Variants in TBCD observed in about 807,000 individuals in gnomAD.
TBCD encodes tubulin folding cofactor D.
Under a neutral mutation model 169.3 loss-of-function variants are expected in TBCD, and 105 were observed. The observed-to-expected ratio is 0.62, with a 90% CI of 0.53 to 0.73. The LOEUF is 0.73. Ranked by LOEUF, TBCD falls within the 30% of genes least tolerant of loss-of-function variation. TBCD has a pLI of 0.00. For missense variants in TBCD, 1,444 were observed against 1,600.1 expected, an observed-to-expected ratio of 0.90 and a Z score of 1.66; for synonymous variants, 700 against 643.9, an observed-to-expected ratio of 1.09 and a Z score of -1.32.
At chr17:82,853,590 A>G (rs991600378) in intron 13 of TBCD, among the ~76,000 whole-genome samples, 5 of 149,864 alleles carry the variant, frequency 3.3e-5, no homozygotes, top group African/African-American at 1.2e-4. Context: ...TTTTTTTTGT[A>G]GAGACGGTCT....
Position 82,939,619 on chromosome 17 carries a change from T to C in TBCD, c.3479+143T>C, listed in dbSNP as rs2062944451. Reference sequence around the variant, plus strand: ...CAGGTCTCCACATCCTCTGCTTAGGTTTTACAAGGCAGCCGTGCTGCTGTA... The same window carrying C: ...CAGGTCTCCACATCCTCTGCTTAGGCTTTACAAGGCAGCCGTGCTGCTGTA... On this transcript the variant is annotated intron_variant, in intron 37 of 38. Transcript: ENST00000355528. 12 of 684,970 alleles carry C rather than the reference T, an allele frequency of 1.8e-5. 1 individual carries two copies. In the South Asian group the frequency reaches 2.2e-4, roughly 12 times the overall value. The allele number at this position is 684,970 out of a possible 1,614,324, so 42.4% of individuals were successfully genotyped here. A position where few individuals can be genotyped will look rare whatever the true frequency, so the allele number is the denominator to read the frequency against.
Position 82,924,989 on chromosome 17 carries a change from A to T in TBCD, c.2311A>T (p.Thr771Ser). The T allele has an allele frequency of 6.3e-6, 10 of 1,575,422 alleles. No homozygotes were observed. The South Asian group carries it at 9.3e-5, about 15-fold the overall frequency. Residue 771 changes from threonine to serine, a missense_variant, in exon 27 of 39, where the codon ACT becomes TCT. Coordinates refer to ENST00000355528, the MANE Select transcript of TBCD (RefSeq NM_005993.5). Reference sequence around the variant, plus strand: ...TGAGCTTCGGAACCCCGAGGAGATGACTCGCTGTGGCTTCTCGTTGGCCTT... The same window carrying T: ...TGAGCTTCGGAACCCCGAGGAGATGTCTCGCTGTGGCTTCTCGTTGGCCTT... ...LAELRNPEEMTRCGFSLALGA... is the reference protein window; with the variant it reads ...LAELRNPEEMSRCGFSLALGA...
chr17:82,772,392 G>A, intron 5 of TBCD, 60 bp from the exon 6 acceptor site: 1 of 1,562,050 alleles, frequency 6.4e-7, no homozygotes, highest in Non-Finnish European at 8.8e-7. Flanking sequence ...TGACTGTGTG[G>A]TGTCCCCAAG....
At chr17:82,852,295 A>G (rs1348822301) in intron 13 of TBCD, among the ~76,000 whole-genome samples, 3 of 151,904 alleles carry the variant, frequency 2.0e-5, no homozygotes, top group Non-Finnish European at 4.4e-5. Context: ...TCCGTGGGCG[A>G]TGCAGCCCCC....
chr17:82,762,827 C>A (rs1310583398), intron 2 of TBCD, among the ~76,000 whole-genome samples: 1 of 151,980 alleles, frequency 6.6e-6, no homozygotes, highest in African/African-American at 2.4e-5. Flanking sequence ...TTTCTACCAA[C>A]AAGGTATGAG....
At chr17:82,830,504 G>A (rs1456835543) in intron 13 of TBCD, 1 of 1,613,750 alleles carries the variant, frequency 6.2e-7, no homozygotes, top group East Asian at 2.2e-5. Context: ...TCACCGTCGA[G>A]GCTGCCTGGC....
At chr17:82,809,600 C>T (rs2051279009) in intron 11 of TBCD, 108 bp from the exon 12 acceptor site, 6 of 1,240,232 alleles carry the variant, frequency 4.8e-6, no homozygotes, top group Non-Finnish European at 6.8e-6. Context: ...CTCTTCTCTC[C>T]TGGTCTCTGG....
At chr17:82,752,518 G>T (rs914347678) in intron 1 of TBCD, 141 bp downstream of exon 1, 1 of 671,760 alleles carries the variant, frequency 1.5e-6, no homozygotes, top group Non-Finnish European at 1.9e-6. Context: ...GCGGGCCGTG[G>T]TGGGGCGCGG....
rs2059027707 is a variant in TBCD, at chr17:82,890,122, C to T, written c.1563+425C>T. ...GTCAGCTCCCAGAAGCTACGGACCCCATGACCCCACGACCCCACATCATGC... is the reference window on the plus strand; with the variant it reads ...GTCAGCTCCCAGAAGCTACGGACCCTATGACCCCACGACCCCACATCATGC... On this transcript the variant is annotated intron_variant, in intron 16 of 38. Coordinates refer to ENST00000355528, the MANE Select transcript of TBCD (RefSeq NM_005993.5). The surrounding 1 kb of genome is among the most constrained non-coding windows in gnomAD (Gnocchi z 5.3). Among the ~76,000 whole-genome samples, 1 of 152,222 alleles carries T rather than the reference C, an allele frequency of 6.6e-6. No homozygotes were observed. Among genetic ancestry groups the T allele is most frequent in the Admixed American group, 6.5e-5 (1 of 15,288 alleles).
intron 13 of TBCD, among the ~76,000 whole-genome samples, chr17:82,863,017 G>A (rs1411561682): frequency 2.0e-5 from 3 of 152,226 alleles, no homozygotes; most frequent in Non-Finnish European, 2.9e-5. Context: ...GTAGCCGTCC[G>A]CCTTTTGTGT....
chr17:82,861,926 CTTTTTTT>C (rs543296464), intron 13 of TBCD, among the ~76,000 whole-genome samples: 1 of 134,658 alleles, frequency 7.4e-6, no homozygotes, highest in South Asian at 2.4e-4. Context: ...TTTTTTTTTT[CTTTTTTT>C]TGAGACAGAG....
intron 26 of TBCD, among the ~76,000 whole-genome samples, chr17:82,924,286 A>G (rs1020994022): frequency 2.6e-5 from 4 of 151,954 alleles, no homozygotes; most frequent in East Asian, 3.9e-4. Flanking sequence ...GCACCGTGAC[A>G]TTTTTCTGCT....
intron 13 of TBCD, among the ~76,000 whole-genome samples, chr17:82,847,519 C>T (rs2055251944): frequency 6.6e-6 from 1 of 152,130 alleles, no homozygotes; most frequent in South Asian, 2.1e-4. Flanking sequence ...GGAAAGCTTT[C>T]TTTCTGGACA....
chr17:82,915,264 C>T lies in TBCD; in HGVS notation c.2038+3475C>T, dbSNP rs145342915. On this transcript the variant is annotated intron_variant, in intron 23 of 38. Coordinates refer to ENST00000355528, the MANE Select transcript of TBCD (RefSeq NM_005993.5). The surrounding 1 kb of genome is among the most constrained non-coding windows in gnomAD (Gnocchi z 4.3). ...AGGTGCGCCCTGGCCGCAGGTGCCC[C>T]GGAGGTGTCGAACCGCAGATTTCTT... is the stretch of plus-strand genomic sequence containing the variant. Among the ~76,000 whole-genome samples the T allele has an allele frequency of 4.6e-4, 70 of 152,282 alleles. No homozygotes were observed. The highest frequency in any genetic ancestry group is 2.1e-3 in the South Asian group (10 of 4,828).
rs1384525412 is a variant in TBCD at position 82,890,312 on chromosome 17, G to A, written c.1563+615G>A. On this transcript the variant is annotated intron_variant, in intron 16 of 38. Transcript: ENST00000355528. The surrounding 1 kb of genome is among the most constrained non-coding windows in gnomAD (Gnocchi z 5.3). The stretch of plus-strand genomic sequence containing the variant: ...TGGGACAGAGGCCGGAGAGGGGACC[G>A]GGGTCTGGGCTGGACCTGGGCGGGG... 6.6e-6 allele frequency among the ~76,000 whole-genome samples: 1 copy of A among 152,210 alleles called. No homozygotes were observed. The highest frequency in any genetic ancestry group is 2.1e-4 in the South Asian group (1 of 4,830).
rs28459016 is a variant in TBCD at position 82,783,318 on chromosome 17, G to T, written c.771+1597G>T. Among the ~76,000 whole-genome samples, 221 of 152,060 alleles carry T rather than the reference G, an allele frequency of 1.5e-3. 2 individuals carry two copies. Among genetic ancestry groups the T allele is most frequent in the African/African-American group, 5.2e-3 (215 of 41,490 alleles). On this transcript the variant is annotated intron_variant, in intron 7 of 38. Coordinates refer to ENST00000355528, the MANE Select transcript of TBCD (RefSeq NM_005993.5). The stretch of plus-strand genomic sequence containing the variant: ...CAGGTGATGTCTGTTTTCTTCAGGC[G>T]TCCCCTCAACCTCCACATAAATGTG...
intron 7 of TBCD, among the ~76,000 whole-genome samples, chr17:82,787,165 C>G (rs2049377436): frequency 6.6e-6 from 1 of 152,172 alleles, no homozygotes; most frequent in East Asian, 1.9e-4. Flanking sequence ...GTGCCACCCC[C>G]CGGCATATGC....
chr17:82,779,405 G>A (rs1004203361), intron 6 of TBCD, among the ~76,000 whole-genome samples: 10 of 152,156 alleles, frequency 6.6e-5, no homozygotes, highest in African/African-American at 2.4e-4. Context: ...ACAGGGGTGA[G>A]CCACTGTGCC....
chr17:82,805,153 G>T (rs1044859190), intron 9 of TBCD, among the ~76,000 whole-genome samples: 2 of 152,382 alleles, frequency 1.3e-5, no homozygotes, highest in Admixed American at 1.3e-4. Context: ...TGGGCTGCAC[G>T]CCGAGCGCAG....
Sources: gnomAD v4.1 joint callset for allele counts (sites outside exome capture counted in the v4.1 genomes callset) on GRCh38, gnomAD v4.1.1 for gene constraint, Gnocchi (gnomAD v3.1) non-coding constraint, MANE v1.5 for transcripts, NCBI Gene and HGNC (gene_info 2026-07-23, HGNC 2026-07-21) for gene names.